Variants in OSBPL2 observed in about 807,000 individuals in gnomAD.
The protein encoded by OSBPL2 is oxysterol binding protein like 2.
In OSBPL2, 18 loss-of-function variants were observed where a neutral mutation model predicts 58.4. The observed-to-expected ratio is 0.31, with a 90% CI of 0.21 to 0.46. OSBPL2 has a LOEUF of 0.46. OSBPL2 is among the 20% of genes least tolerant of loss of function. OSBPL2 has a pLI of 1.00. For missense variants in OSBPL2, 461 were observed against 616.5 expected, an observed-to-expected ratio of 0.75 and a Z score of 2.67; for synonymous variants, 221 against 234.1, an observed-to-expected ratio of 0.94 and a Z score of 0.51.
chr20:62,241,853 C>T (rs1979759092), intron 1 of OSBPL2, among the ~76,000 whole-genome samples: 1 of 152,198 alleles, frequency 6.6e-6, no homozygotes, highest in African/African-American at 2.4e-5. Context: ...CTGATTTTCT[C>T]CTAGTCATTG....
chr20:62,251,037 ATTTTTTTTTTTT>A (rs35328509), intron 1 of OSBPL2, among the ~76,000 whole-genome samples: 11 of 97,810 alleles, frequency 1.1e-4, no homozygotes, highest in African/African-American at 4.4e-4. Context: ...AGAGCAATAG[ATTTTTTTTTTTT>A]TTTTTTTTTT....
chr20:62,254,665 G>A (rs1293889455), intron 1 of OSBPL2, among the ~76,000 whole-genome samples: 2 of 152,252 alleles, frequency 1.3e-5, no homozygotes, highest in Non-Finnish European at 2.9e-5. Flanking sequence ...GGCCGTTCTC[G>A]CCCCGGCGCC....
At chr20:62,289,366 C>T in intron 12 of OSBPL2, 36 bp downstream of exon 12, 1 of 1,604,420 alleles carries the variant, frequency 6.2e-7, no homozygotes, top group South Asian at 1.1e-5. Context: ...AGCTTGGGGC[C>T]AAGGACGCCC....
At chr20:62,245,396 A>G (rs1240579411) in intron 1 of OSBPL2, among the ~76,000 whole-genome samples, 1 of 152,164 alleles carries the variant, frequency 6.6e-6, no homozygotes, top group Non-Finnish European at 1.5e-5. Flanking sequence ...CCCGGCCTGA[A>G]ACCTGTTCTT....
chr20:62,250,321 A>C (rs566811840), intron 1 of OSBPL2, among the ~76,000 whole-genome samples: 2 of 151,992 alleles, frequency 1.3e-5, no homozygotes, highest in East Asian at 3.9e-4. Context: ...TGTTATGGCA[A>C]CTCCTTCAGG....
chr20:62,263,559 GA>G, intron 3 of OSBPL2, 56 bp from the exon 4 acceptor site: 6 of 1,291,046 alleles, frequency 4.6e-6, no homozygotes, highest in Non-Finnish European at 5.6e-6. Flanking sequence ...CAGCCTCCTT[GA>G]GTGGTCAGAG....
Position 62,248,181 on chromosome 20 carries a change from G to C in OSBPL2, c.-128-7876G>C, listed in dbSNP as rs193226833. ...TTTTTTTTTTTTTTTTTGTGACAGGGTCTCGCTCTGTTGCCCAGGCTGGAG... is the reference window on the plus strand; with the variant it reads ...TTTTTTTTTTTTTTTTTGTGACAGGCTCTCGCTCTGTTGCCCAGGCTGGAG... On this transcript the variant is annotated intron_variant, in intron 1 of 13. Transcript: ENST00000313733. Among the ~76,000 whole-genome samples, 136 of 121,236 alleles carry C rather than the reference G, an allele frequency of 1.1e-3. 4 individuals are homozygous for C. In the East Asian group the frequency reaches 0.03, roughly 27 times the overall value. The allele number at this position is 121,236 out of a possible 152,430, so 79.5% of individuals were successfully genotyped here.
At chr20:62,279,976 C>T (rs1390562231) in intron 7 of OSBPL2, 1 of 1,304,034 alleles carries the variant, frequency 7.7e-7, no homozygotes, top group South Asian at 1.2e-5. Context: ...TGCCACCCCT[C>T]TTCACTCTCA....
chr20:62,289,356 A>G (rs1240118006), intron 12 of OSBPL2, 26 bp downstream of exon 12: 2 of 1,608,982 alleles, frequency 1.2e-6, no homozygotes, highest in South Asian at 1.1e-5. Flanking sequence ...CAGAGGAGGA[A>G]GCTTGGGGCC....
At chr20:62,284,823 A>C (rs1446521897) in intron 10 of OSBPL2, 1 of 152,272 alleles carries the variant, frequency 6.6e-6, no homozygotes, top group Non-Finnish European at 1.5e-5. Context: ...TGGAAGCTCC[A>C]AGTTCTGGGT....
intron 1 of OSBPL2, among the ~76,000 whole-genome samples, chr20:62,243,748 T>A (rs1354366184): frequency 1.3e-5 from 2 of 151,936 alleles, no homozygotes; most frequent in Non-Finnish European, 2.9e-5. Context: ...CTTTTTTAGA[T>A]CAAGGACCCC....
intron 6 of OSBPL2, chr20:62,278,600 G>A (rs1320242989): frequency 6.3e-6 from 1 of 159,238 alleles, no homozygotes; most frequent in Non-Finnish European, 1.2e-5. Context: ...TCATGTTTGT[G>A]TGTGTGTCTG....
intron 1 of OSBPL2, among the ~76,000 whole-genome samples, chr20:62,245,969 G>A (rs868535926): frequency 3.3e-5 from 5 of 152,266 alleles, no homozygotes; most frequent in Admixed American, 6.5e-5. Flanking sequence ...GGGAGGTCTG[G>A]GAAGGAGGAA....
At chr20:62,293,719 C>A in intron 13 of OSBPL2, 66 bp from the exon 14 acceptor site, 1 of 1,460,972 alleles carries the variant, frequency 6.8e-7, no homozygotes, top group Non-Finnish European at 9.4e-7. Context: ...CTCCTGCACC[C>A]AGAACAGGGC....
chr20:62,285,069 T>C (rs2145972028), intron 10 of OSBPL2: 1 of 152,372 alleles, frequency 6.6e-6, no homozygotes, highest in South Asian at 2.1e-4. Context: ...ATTTTCTACA[T>C]AATGAATTGG....
chr20:62,281,720 C>G, intron 8 of OSBPL2, 70 bp from the exon 9 acceptor site: 1 of 1,202,566 alleles, frequency 8.3e-7, no homozygotes, highest in Non-Finnish European at 1.2e-6. Flanking sequence ...CGCGCTTCTC[C>G]TGTTACAGAG....
intron 9 of OSBPL2, among the ~76,000 whole-genome samples, chr20:62,283,176 G>A (rs909109203): frequency 1.3e-5 from 2 of 152,182 alleles, no homozygotes; most frequent in Non-Finnish European, 2.9e-5. Context: ...GGCCAGACTC[G>A]CTGACCTTCA....
At chr20:62,272,423 C>T (rs977211190) in intron 5 of OSBPL2, among the ~76,000 whole-genome samples, 164 bp downstream of exon 5, 4 of 152,206 alleles carry the variant, frequency 2.6e-5, no homozygotes, top group Middle Eastern at 3.2e-3. Context: ...CCTGTCACCA[C>T]AGGTGTGTGA....
chr20:62,264,762 C>CT (rs1326211645), intron 4 of OSBPL2: 9 of 152,378 alleles, frequency 5.9e-5, no homozygotes, highest in African/African-American at 1.7e-4. Context: ...CCACATGTCA[C>CT]TTGTATTTCC....
Sources: gnomAD v4.1 joint callset for allele counts (sites outside exome capture counted in the v4.1 genomes callset) on GRCh38, gnomAD v4.1.1 for gene constraint, MANE v1.5 for transcripts, NCBI Gene and HGNC (gene_info 2026-07-23, HGNC 2026-07-21) for gene names.